ZNF846: variants seen among roughly 807,000 people sequenced by gnomAD.
ZNF846 encodes zinc finger protein 846, also known as zinc finger protein 420 pseudogene.
In ZNF846, 15 loss-of-function variants were observed where a neutral mutation model predicts 16.0. The ratio of observed to expected loss-of-function variants is 0.94; its 90% confidence interval spans 0.63 to 1.45. The LOEUF (loss-of-function observed/expected upper bound fraction) is 1.45. ZNF846 is among the 40% of genes most tolerant of loss of function. ZNF846 has a pLI of 0.00. For missense variants in ZNF846, 714 were observed against 622.3 expected (o/e 1.15, Z -1.57); for synonymous variants, 229 against 212.0 (o/e 1.08, Z -0.70).
intron 2 of ZNF846, among the ~76,000 whole-genome samples, chr19:9,764,165 A>C (rs574234408): frequency 2.6e-5 from 4 of 152,354 alleles, no homozygotes; most frequent in South Asian, 4.1e-4. Flanking sequence ...GTGCCTGTCC[A>C]TATGGATAAA....
upstream of ZNF846, among the ~76,000 whole-genome samples, chr19:9,770,478 C>G (rs903099434): frequency 7.4e-6 from 1 of 135,850 alleles, no homozygotes; most frequent in Non-Finnish European, 1.5e-5. Context: ...ATTGGGTTTT[C>G]TCTTTTTTTT....
At chr19:9,753,007 A>G (rs2045099224), downstream of ZNF846, among the ~76,000 whole-genome samples, 1 of 149,988 alleles carries the variant, frequency 6.7e-6, no homozygotes, top group South Asian at 2.1e-4. Flanking sequence ...TCAGTGTCAG[A>G]TGAGGGCCCT....
At chr19:9,751,533 C>A (rs1341152345), downstream of ZNF846, among the ~76,000 whole-genome samples, 1 of 152,132 alleles carries the variant, frequency 6.6e-6, no homozygotes, top group South Asian at 2.1e-4. Flanking sequence ...TTGTAACATT[C>A]CTCCCCACCC....
At chr19:9,774,194 C>T (rs879707880) in intron 1 of ZNF846, among the ~76,000 whole-genome samples, 6 of 152,068 alleles carry the variant, frequency 3.9e-5, no homozygotes, top group Non-Finnish European at 5.9e-5. Flanking sequence ...CCAGGCCGGG[C>T]GCAGTGTCTT....
chr19:9,758,517 C>T (rs549286174), exon 6 of ZNF846: 1 of 1,613,450 alleles, frequency 6.2e-7, no homozygotes, highest in Admixed American at 1.7e-5. Flanking sequence ...TTTATTCTGC[C>T]TAGTAAGATT....
upstream of ZNF846, among the ~76,000 whole-genome samples, chr19:9,772,662 A>G (rs1273430996): frequency 6.6e-6 from 1 of 152,218 alleles, no homozygotes; most frequent in East Asian, 1.9e-4. Flanking sequence ...AATTATGAAT[A>G]TGGATTCAAA....
In ZNF846 at chr19:9,778,958, C is replaced by G. The variant is rs149392084; in HGVS notation, c.-86+6980G>C. ...CATGCCCTATCTTCAAAGTTTAATA[C>G]TATGCTAGTATATAAGAAAACTGAT... On this transcript the variant is annotated intron_variant, in intron 1 of 4. Coordinates refer to the ZNF846 transcript ENST00000586814. Among the ~76,000 whole-genome samples the G allele has an allele frequency of 2.8e-4, 43 of 152,066 alleles. No homozygotes were observed. The East Asian group carries it at 8.0e-3, about 28-fold the overall frequency.
upstream of ZNF846, among the ~76,000 whole-genome samples, chr19:9,769,157 T>A (rs2045366498): frequency 6.6e-6 from 1 of 152,106 alleles, no homozygotes; most frequent in African/African-American, 2.4e-5. Context: ...CGGTCATAGA[T>A]CATTGCAGCC....
chr19:9,766,992 A>AT (rs1012780527), intron 1 of ZNF846, among the ~76,000 whole-genome samples: 3 of 146,338 alleles, frequency 2.1e-5, no homozygotes, highest in South Asian at 2.1e-4. Context: ...GCTTTTATTT[A>AT]TTTATTTTTT....
chr19:9,772,116 T>C (rs1328584543), upstream of ZNF846, among the ~76,000 whole-genome samples: 4 of 152,128 alleles, frequency 2.6e-5, no homozygotes, highest in African/African-American at 9.7e-5. Flanking sequence ...ATACTATTTT[T>C]CCCCATTGAA....
At chr19:9,778,803 CAA>C (rs56001426) in intron 1 of ZNF846, among the ~76,000 whole-genome samples, 2,170 of 51,262 alleles carry the variant, frequency 0.042, 45 homozygotes, top group African/African-American at 0.13. Context: ...AAACTCGTCT[CAA>C]AAAAAAAAAA....
intron 1 of ZNF846, among the ~76,000 whole-genome samples, chr19:9,782,336 C>T (rs747366899): frequency 7.2e-5 from 11 of 152,060 alleles, no homozygotes; most frequent in Admixed American, 1.3e-4. Flanking sequence ...TGCTGCACAG[C>T]TCACTGCAGC....
Position 9,760,017 on chromosome 19 carries a change from C to T in ZNF846, c.230-75G>A, listed in dbSNP as rs189209606. The T allele has an allele frequency of 2.7e-5, 30 of 1,109,490 alleles. 1 individual carries two copies. Among genetic ancestry groups the T allele is most frequent in the South Asian group, 9.2e-5 (7 of 76,442 alleles). The allele number at this position is 1,109,490 out of a possible 1,614,324, so 68.7% of individuals were successfully genotyped here. A position where few individuals can be genotyped will look rare whatever the true frequency, so the allele number is the denominator to read the frequency against. The stretch of plus-strand genomic sequence containing the variant: ...TCGTTTAAAAGCCTATGGGGCTGGG[C>T]GTGGTGGCTCACACCTGTAATCCTA... On this transcript the variant is annotated intron_variant, in intron 4 of 5. Transcript: ENST00000397902.
chr19:9,762,242 C>G, intron 3 of ZNF846, 74 bp from the exon 4 acceptor site: 1 of 1,170,340 alleles, frequency 8.5e-7, no homozygotes, highest in East Asian at 2.4e-5. Context: ...GGAACCAATA[C>G]TTTTGCCTTC....
At chr19:9,750,300 T>C (rs954722430), downstream of ZNF846, among the ~76,000 whole-genome samples, 1 of 152,168 alleles carries the variant, frequency 6.6e-6, no homozygotes, top group East Asian at 1.9e-4. Flanking sequence ...CCCAGCCCCA[T>C]GAATAGTAGT....
chr19:9,770,317 G>A (rs990616659), upstream of ZNF846, among the ~76,000 whole-genome samples: 1 of 132,130 alleles, frequency 7.6e-6, no homozygotes, highest in African/African-American at 2.7e-5. Flanking sequence ...TGTAGATATT[G>A]CCTGTAGAAT....
chr19:9,751,945 G>A (rs961053929), downstream of ZNF846: 1 of 152,836 alleles, frequency 6.5e-6, no homozygotes, highest in Admixed American at 6.5e-5. Flanking sequence ...GCCTGCTCAG[G>A]TGGTCTCTTA....
chr19:9,762,672 C>A (rs2045249094), intron 3 of ZNF846, among the ~76,000 whole-genome samples: 1 of 152,142 alleles, frequency 6.6e-6, no homozygotes, highest in Non-Finnish European at 1.5e-5. Flanking sequence ...TCCTCTACAC[C>A]AGGGGTGTCC....
chr19:9,751,790 C>T (rs1021769145), downstream of ZNF846, among the ~76,000 whole-genome samples: 2 of 151,832 alleles, frequency 1.3e-5, no homozygotes, highest in African/African-American at 4.8e-5. Context: ...CATCCATCCC[C>T]TGCCCACAAA....
Sources: allele counts gnomAD v4.1 joint callset (sites outside exome capture counted in the v4.1 genomes callset), GRCh38; gene constraint gnomAD v4.1.1; transcripts MANE v1.5; gene names NCBI Gene and HGNC (gene_info 2026-07-23, HGNC 2026-07-21).